Variants in DSG4 observed in about 807,000 individuals in gnomAD.
DSG4 encodes the protein desmoglein 4, also known as desmoglein-4.
DSG4 carries 87 observed loss-of-function variants against 93.1 expected under a neutral mutation model. The ratio of observed to expected loss-of-function variants is 0.93; its 90% CI spans 0.79 to 1.12. The LOEUF is 1.12. Among genes scored for constraint, DSG4 ranks in the 50% most tolerant of loss-of-function variants. The pLI is 0.00. For missense variants in DSG4, 1,373 were observed against 1,285.7 expected (o/e 1.07, Z -1.04); for synonymous variants, 432 against 452.9 (o/e 0.95, Z 0.59).
chr18:31,405,812 A>G (rs1266465877), intron 11 of DSG4, among the ~76,000 whole-genome samples: 1 of 152,040 alleles, frequency 6.6e-6, no homozygotes, highest in African/African-American at 2.4e-5. Flanking sequence ...TAAACCTAGG[A>G]ATCCAAGGCT....
At chr18:31,382,120 A>T (rs2072142244) in intron 1 of DSG4, among the ~76,000 whole-genome samples, 1 of 152,154 alleles carries the variant, frequency 6.6e-6, no homozygotes, top group Non-Finnish European at 1.5e-5. Context: ...TACATTTAGG[A>T]TACCACACAT....
intron 8 of DSG4, among the ~76,000 whole-genome samples, chr18:31,398,097 A>G (rs1055795027): frequency 5.3e-4 from 81 of 151,588 alleles, no homozygotes; most frequent in African/African-American, 1.8e-3. Context: ...ATGGAATTCT[A>G]TTAAATAAAA....
rs368463545 is a variant in DSG4, at chr18:31,388,407, G to A, written c.257G>A (p.Arg86Gln). Residue 86 changes from arginine to glutamine, a missense_variant, in exon 4 of 16, where the codon CGG becomes CAG. Coordinates refer to ENST00000308128, the MANE Select transcript of DSG4 (RefSeq NM_177986.5). The part of the protein sequence containing the change: ...DCESNQKITY[R>Q]ISGVGIDRPP... Reference sequence around the variant, plus strand: ...GAATCGAACCAGAAGATAACATACCGGATTTCTGGAGTAGGGATTGATCGA... The same window carrying A: ...GAATCGAACCAGAAGATAACATACCAGATTTCTGGAGTAGGGATTGATCGA... 2.8e-4 allele frequency: 454 copies of A among 1,613,440 alleles called. No individual in the cohort carries two copies. Among genetic ancestry groups the A allele is most frequent in the South Asian group, 9.7e-4 (88 of 91,068 alleles).
At chr18:31,377,148 C>T (rs1015127868) in intron 1 of DSG4, among the ~76,000 whole-genome samples, 189 bp downstream of exon 1, 7 of 152,054 alleles carry the variant, frequency 4.6e-5, no homozygotes, top group Non-Finnish European at 7.4e-5. Context: ...CATAGAGAAG[C>T]GGGGTGAGAA....
At chr18:31,392,624 T>C (rs138117710) in intron 8 of DSG4, among the ~76,000 whole-genome samples, 345 of 152,148 alleles carry the variant, frequency 2.3e-3, no homozygotes, top group African/African-American at 7.5e-3. Flanking sequence ...TATATGGGAG[T>C]TCACAGTGCA....
At chr18:31,382,399 C>G (rs952280544) in intron 1 of DSG4, 5 of 152,210 alleles carry the variant, frequency 3.3e-5, no homozygotes, top group Non-Finnish European at 5.9e-5. Context: ...TTCTTTCCCC[C>G]CTGTCTCACT....
At chr18:31,400,777 C>A in intron 9 of DSG4, 104 bp from the exon 10 acceptor site, 2 of 1,220,770 alleles carry the variant, frequency 1.6e-6, no homozygotes, top group Non-Finnish European at 2.4e-6. Context: ...CACTATAAAA[C>A]ATAAAAACAC....
In DSG4 at chr18:31,376,837, G is replaced by A; in HGVS notation, c.-75G>A. 6.5e-7 allele frequency: 1 copy of A among 1,533,542 alleles called. No homozygotes were observed. Among genetic ancestry groups the A allele is most frequent in the Non-Finnish European group, 9.0e-7 (1 of 1,107,940 alleles). 95.0% of individuals were successfully genotyped at this position (1,533,542 alleles called of 1,614,324 possible). A position where few individuals can be genotyped will look rare whatever the true frequency, so the allele number is the denominator to read the frequency against. On this transcript the variant is annotated 5_prime_UTR_variant, in exon 1 of 16. Transcript: ENST00000308128. ...GTCTCAAAGCATATCTTTCTGTAGA[G>A]CAGAATTCGGAACTGAGAAGACGAG...
At position 31,403,522 on chromosome 18, in the gene DSG4, T is replaced by A; in HGVS notation, c.1524T>A (p.Ser508=). The change falls in exon 11 of 16, where the codon TCT becomes TCA. Residue 508 remains serine (S), a synonymous_variant. Coordinates refer to ENST00000308128, the MANE Select transcript of DSG4 (RefSeq NM_177986.5). Reference sequence around the variant, plus strand: ...AAAGAAGAACCATCTGCATTGACTCTCCATCAGTCCTTATCTCTGTTAATG... The same window carrying A: ...AAAGAAGAACCATCTGCATTGACTCACCATCAGTCCTTATCTCTGTTAATG... ...FPERRTICID[S]PSVLISVNEH... The A allele has an allele frequency of 1.2e-6, 2 of 1,614,094 alleles. No individual in the cohort carries two copies. Among genetic ancestry groups the A allele is most frequent in the Non-Finnish European group, 1.7e-6 (2 of 1,179,958 alleles).
chr18:31,385,035 T>G, intron 1 of DSG4, 101 bp from the exon 2 acceptor site: 2 of 1,056,720 alleles, frequency 1.9e-6, no homozygotes, highest in South Asian at 2.7e-5. Flanking sequence ...AAATGTATAT[T>G]TAAAAATGAA....
At chr18:31,384,840 T>C (rs1048137332) in intron 1 of DSG4, among the ~76,000 whole-genome samples, 2 of 152,136 alleles carry the variant, frequency 1.3e-5, no homozygotes, top group African/African-American at 4.8e-5. Flanking sequence ...CCTACTCTCC[T>C]AGGAAGTCCT....
intron 12 of DSG4, among the ~76,000 whole-genome samples, chr18:31,406,975 A>C (rs1410334532): frequency 6.6e-6 from 1 of 151,982 alleles, no homozygotes; most frequent in Non-Finnish European, 1.5e-5. Flanking sequence ...ACGGGGTTTC[A>C]CCATGATAGC....
chr18:31,400,958 T>C lies in DSG4; in HGVS notation c.1355T>C (p.Phe452Ser). 1.2e-6 allele frequency: 2 copies of C among 1,612,228 alleles called. No homozygotes were observed. Among genetic ancestry groups the C allele is most frequent in the Non-Finnish European group, 1.7e-6 (2 of 1,178,826 alleles). ...GGTGAGATACAATTTTCTAGAGAAT[T>C]TGATAAGAAGTCAAAATATATTATC... is the stretch of plus-strand genomic sequence containing the variant. ...RTGEIQFSREFDKKSKYIING... is the reference protein window; with the variant it reads ...RTGEIQFSRESDKKSKYIING... Residue 452 changes from phenylalanine to serine, a missense_variant, in exon 10 of 16, where the codon TTT becomes TCT. Transcript: ENST00000308128.
rs1448164676 is a variant in DSG4, at chr18:31,392,353, G to A, written c.1005+13G>A. ...GAAAGTTGTCAAGGTACAGTATAAGGATCTGCAATATTTTCTTCCAAAATA... is the reference window on the plus strand; with the variant it reads ...GAAAGTTGTCAAGGTACAGTATAAGAATCTGCAATATTTTCTTCCAAAATA... On this transcript the variant is annotated intron_variant, in intron 8 of 15. Transcript: ENST00000308128. 1 of 1,612,796 alleles carries A rather than the reference G, an allele frequency of 6.2e-7. No individual in the cohort carries two copies. Among genetic ancestry groups the A allele is most frequent in the Admixed American group, 1.7e-5 (1 of 59,964 alleles).
At chr18:31,410,145 G>A (rs533832151) in intron 14 of DSG4, among the ~76,000 whole-genome samples, 7 of 152,240 alleles carry the variant, frequency 4.6e-5, no homozygotes, top group African/African-American at 1.7e-4. Context: ...GTACCATGAT[G>A]ATCAAAAAGT....
At chr18:31,411,181 C>A (rs978054426) in intron 14 of DSG4, 50 bp from the exon 15 acceptor site, 2 of 1,614,096 alleles carry the variant, frequency 1.2e-6, no homozygotes, top group African/African-American at 2.7e-5. Context: ...TAGGCAGATG[C>A]GCGCTGCAGG....
chr18:31,393,403 A>G (rs1380732606), intron 8 of DSG4, among the ~76,000 whole-genome samples: 1 of 152,202 alleles, frequency 6.6e-6, no homozygotes, highest in African/African-American at 2.4e-5. Flanking sequence ...CAGGAAGCAA[A>G]GTGCCAACAT....
rs1489778734 is a variant in DSG4 at position 31,406,090 on chromosome 18, C to G, written c.1650C>G (p.Ile550Met). Residue 550 changes from isoleucine to methionine, a missense_variant, in exon 12 of 16, where the codon ATC (isoleucine) becomes ATG (methionine). Transcript: ENST00000308128. ...DVRSTNATSA[I>M]LTAKQVLSPG... ...CTTCCATTTCAGCTACCTCGGCAAT[C>G]CTTACGGCTAAGCAGGTTTTATCTC... 2 of 1,614,060 alleles carry G rather than the reference C, an allele frequency of 1.2e-6. No homozygotes were observed. The highest frequency in any genetic ancestry group is 4.5e-5 in the East Asian group (2 of 44,870).
rs921970909 is a variant in DSG4, at chr18:31,403,683, A to G, written c.1636+49A>G. On this transcript the variant is annotated intron_variant, in intron 11 of 15. Coordinates refer to ENST00000308128, the MANE Select transcript of DSG4 (RefSeq NM_177986.5). ...TTTGGACTTTAAGTCCAAAAGCAAA[A>G]CAATTACCAAAAAATGTGGCAAGTC... is the stretch of plus-strand genomic sequence containing the variant. 7 of 1,555,652 alleles carry G rather than the reference A, an allele frequency of 4.5e-6. No individual in the cohort carries two copies. In the African/African-American group the frequency reaches 8.2e-5, roughly 18 times the overall value.
Sources: allele counts gnomAD v4.1 joint callset (sites outside exome capture counted in the v4.1 genomes callset), GRCh38; gene constraint gnomAD v4.1.1; transcripts MANE v1.5; gene names NCBI Gene and HGNC (gene_info 2026-07-23, HGNC 2026-07-21).